ABCA7: variants seen among roughly 807,000 people sequenced by gnomAD.
The protein encoded by ABCA7 is ATP binding cassette subfamily A member 7, also known as phospholipid-transporting ATPase ABCA7.
ABCA7 carries 261 observed loss-of-function variants against 227.6 expected under a neutral mutation model. That is an observed-to-expected ratio of 1.15 (90% CI 1.04 to 1.27). ABCA7 has a LOEUF of 1.27. Among genes scored for constraint, ABCA7 ranks in the 50% most tolerant of loss-of-function variants. ABCA7 has a pLI of 0.00. For missense variants in ABCA7, 3,331 were observed against 2,924.5 expected (o/e 1.14, Z -3.21); for synonymous variants, 1,488 against 1,279.7 (o/e 1.16, Z -3.47).
In ABCA7 at chr19:1,051,145, C is replaced by A. The variant is rs1428860998; in HGVS notation, c.2685-10C>A. ...CATGTGGGTCACTCTGCTCTGTGCA[C>A]TGGCCGCAGGCTGACCGTGGACGAG... On this transcript the variant is annotated splice_polypyrimidine_tract_variant and intron_variant, in intron 19 of 46. Coordinates refer to ENST00000263094, the MANE Select transcript of ABCA7 (RefSeq NM_019112.4). 1.6e-5 allele frequency: 25 copies of A among 1,610,950 alleles called. No individual in the cohort carries two copies. The highest frequency in any genetic ancestry group is 2.1e-5 in the Non-Finnish European group (25 of 1,179,842).
At position 1,049,408 on chromosome 19, in the gene ABCA7, C is replaced by A. The variant is rs771774848; in HGVS notation, c.2523C>A (p.Gly841=). ...AGGGCCACATCACCGCCTTCCTGGG[C>A]CACAACGGGGCCGGCAAGACCACCA... ...FYQGHITAFL[G]HNGAGKTTTL... is the part of the protein sequence containing the mutation. The change falls in exon 18 of 47, where the codon GGC becomes GGA. Residue 841 remains glycine (G), a synonymous_variant. Coordinates refer to ENST00000263094, the MANE Select transcript of ABCA7 (RefSeq NM_019112.4). 1 of 1,608,982 alleles carries A rather than the reference C, an allele frequency of 6.2e-7. No homozygotes were observed. The highest frequency in any genetic ancestry group is 8.5e-7 in the Non-Finnish European group (1 of 1,177,722).
chr19:1,058,100 G>A (rs746323385), intron 36 of ABCA7, 41 bp downstream of exon 36: 41 of 1,613,770 alleles, frequency 2.5e-5, no homozygotes, highest in South Asian at 4.4e-5. Flanking sequence ...GGGTTGGGTC[G>A]TTGGACTCAG....
rs553657952 is a variant in ABCA7, at chr19:1,062,113, G to C, written c.5571-59G>C. 3.4e-5 allele frequency: 54 copies of C among 1,587,786 alleles called. No individual in the cohort carries two copies. The South Asian group carries it at 5.9e-4, about 17-fold the overall frequency. ...GGTGGGCCCTGAGACCCCTGTGTTA[G>C]CCACCAGTATGGTCAGGGACTAGCC... On this transcript the variant is annotated intron_variant, in intron 41 of 46. Coordinates refer to ENST00000263094, the MANE Select transcript of ABCA7 (RefSeq NM_019112.4).
chr19:1,059,748 G>C (rs2042533882), intron 40 of ABCA7, among the ~76,000 whole-genome samples: 1 of 151,082 alleles, frequency 6.6e-6, no homozygotes, highest in Non-Finnish European at 1.5e-5. Context: ...ATTTTTAGTA[G>C]AGACAGGGCT....
At position 1,047,292 on chromosome 19, in the gene ABCA7, G is replaced by T; in HGVS notation, c.1981G>T (p.Gly661Cys). 6.2e-7 allele frequency: 1 copy of T among 1,605,006 alleles called. No homozygotes were observed. The change falls in exon 15 of 47, where the codon GGC (glycine) becomes TGC (cysteine). Residue 661 changes from glycine (G) to cysteine (C), a missense_variant. Coordinates refer to ENST00000263094, the MANE Select transcript of ABCA7 (RefSeq NM_019112.4). ...CGCCAACCTGGCTGCGGCCTGCGGC[G>T]GCCTGGCCTACTTCTCCCTCTACCT... Reference protein sequence around the residue: ...SRANLAAACGGLAYFSLYLPY... With the variant: ...SRANLAAACGCLAYFSLYLPY...
rs200430697 is a variant in ABCA7, at chr19:1,055,363, C to G, written c.4205+12C>G. 108 of 1,558,482 alleles carry G rather than the reference C, an allele frequency of 6.9e-5. No individual in the cohort carries two copies. The highest frequency in any genetic ancestry group is 1.8e-4 in the Admixed American group (10 of 56,682). On this transcript the variant is annotated intron_variant, in intron 30 of 46. Transcript: ENST00000263094. Reference sequence around the variant, plus strand: ...CTGGTGCGCCAGGGGTGAGCCATGCCCTGGGACTCAGTTTCCCTGGCTATA... The same window carrying G: ...CTGGTGCGCCAGGGGTGAGCCATGCGCTGGGACTCAGTTTCCCTGGCTATA...
Position 1,050,963 on chromosome 19 carries a change from C to T in ABCA7, c.2595C>T (p.Ala865=), listed in dbSNP as rs1282164184. The T allele has an allele frequency of 1.2e-6, 2 of 1,612,040 alleles. No homozygotes were observed. The highest frequency in any genetic ancestry group is 1.7e-5 in the Admixed American group (1 of 59,946). The change falls in exon 19 of 47, where the codon GCC becomes GCT. Residue 865 remains alanine (A), a synonymous_variant. Coordinates refer to ENST00000263094, the MANE Select transcript of ABCA7 (RefSeq NM_019112.4). ...TCTTCCCACCCAGTGGTGGCTCTGC[C>T]TTCATCCTGGGCCACGACGTCCGCT... ...SGLFPPSGGS[A]FILGHDVRSS... is the part of the protein sequence containing the mutation.
intron 46 of ABCA7, 32 bp from the exon 47 acceptor site, chr19:1,065,238 C>T (rs1411461700): frequency 1.2e-6 from 2 of 1,609,220 alleles, no homozygotes; most frequent in Non-Finnish European, 1.7e-6. Context: ...GCTGACCGTC[C>T]CTCTTGTCCC....
rs1372330850 is a variant in ABCA7 at position 1,049,260 on chromosome 19, C to A, written c.2381-6C>A. The A allele has an allele frequency of 6.3e-7, 1 of 1,597,572 alleles. No homozygotes were observed. The highest frequency in any genetic ancestry group is 8.5e-7 in the Non-Finnish European group (1 of 1,169,868). On this transcript the variant is annotated splice_polypyrimidine_tract_variant and splice_region_variant and intron_variant, in intron 17 of 46. Transcript: ENST00000263094. Reference sequence around the variant, plus strand: ...CTCCATGGCTGAGTCCACCCCATCTCTGCAGTGCTGGTAGAAGAGGCACCG... The same window carrying A: ...CTCCATGGCTGAGTCCACCCCATCTATGCAGTGCTGGTAGAAGAGGCACCG...
intron 11 of ABCA7, 90 bp from the exon 12 acceptor site, chr19:1,044,912 T>C (rs990754334): frequency 2.2e-5 from 33 of 1,531,486 alleles, no homozygotes; most frequent in South Asian, 1.2e-5. Context: ...GGGGAAAACA[T>C]GGCCCAGCCC....
intron 30 of ABCA7, 144 bp downstream of exon 30, chr19:1,055,495 T>G: frequency 1.2e-6 from 1 of 835,628 alleles, no homozygotes. Context: ...TACCTTCCTT[T>G]CCTCTTTTTT....
In ABCA7 at chr19:1,054,923, G is replaced by C. The variant is rs1035570812; in HGVS notation, c.3950+45G>C. The stretch of plus-strand genomic sequence containing the variant: ...TGGACCTTTCCCCTCTCTGGCCTCA[G>C]TTTTCCCATCTGGTCCCTGGCCAGG... On this transcript the variant is annotated intron_variant, in intron 29 of 46. Transcript: ENST00000263094. This position sits in a 1 kb window ranked among gnomAD's most constrained non-coding sequence, Gnocchi z 4.8. 6.4e-7 allele frequency: 1 copy of C among 1,553,880 alleles called. No homozygotes were observed.
intron 21 of ABCA7, 33 bp downstream of exon 21, chr19:1,051,619 A>G: frequency 6.3e-7 from 1 of 1,590,182 alleles, no homozygotes; most frequent in South Asian, 1.1e-5. Context: ...GAGGGGCCAG[A>G]AAAGGCTTCT....
In ABCA7 at chr19:1,049,012, C is replaced by T. The variant is rs760506668; in HGVS notation, c.2380+7C>T. ...ACCCCGCTGGACCCAAAGGGTGAGGCACTACGAGGCTTAATAGCTGGTTGT... is the reference window on the plus strand; with the variant it reads ...ACCCCGCTGGACCCAAAGGGTGAGGTACTACGAGGCTTAATAGCTGGTTGT... On this transcript the variant is annotated splice_region_variant and intron_variant, in intron 17 of 46. Coordinates refer to ENST00000263094, the MANE Select transcript of ABCA7 (RefSeq NM_019112.4). The T allele has an allele frequency of 3.2e-6, 5 of 1,541,418 alleles. No individual in the cohort carries two copies. The African/African-American group carries it at 5.5e-5, about 17-fold the overall frequency.
chr19:1,064,990 C>A lies in ABCA7; in HGVS notation c.6104C>A (p.Ala2035Glu), dbSNP rs1301878864. The A allele has an allele frequency of 6.4e-7, 1 of 1,555,354 alleles. No homozygotes were observed. The highest frequency in any genetic ancestry group is 8.7e-7 in the Non-Finnish European group (1 of 1,151,102). The change falls in exon 46 of 47, where the codon GCG becomes GAG. Residue 2035 changes from alanine to glutamate, a missense_variant. Physicochemically the swap from Ala to Glu is moderately radical, Grantham distance 107. Coordinates refer to ENST00000263094, the MANE Select transcript of ABCA7 (RefSeq NM_019112.4). ...CCCGCCGCAAGGTCCCAGCCGGCAG[C>A]GGCCTTCGTGGCGGCCGAGTTCCCT... Reference protein sequence around the residue: ...RVPAARSQPAAAFVAAEFPGA... With the variant: ...RVPAARSQPAEAFVAAEFPGA...
In ABCA7 at chr19:1,045,213, C is replaced by T; in HGVS notation, c.1427C>T (p.Thr476Ile). The change falls in exon 12 of 47, where the codon ACC becomes ATC. Residue 476 changes from threonine to isoleucine, a missense_variant. Physicochemically the swap from Thr to Ile is moderately conservative, Grantham distance 89 (BLOSUM62 -1). Transcript: ENST00000263094. The stretch of plus-strand genomic sequence containing the variant: ...ATGGACATTGACGTGGTCACGAGGA[C>T]CAATAAGATCAGGGACAGGTCAGGC... ...IRMDIDVVTR[T>I]NKIRDRFWDP... The T allele has an allele frequency of 6.2e-7, 1 of 1,600,092 alleles. No individual in the cohort carries two copies. Among genetic ancestry groups the T allele is most frequent in the Non-Finnish European group, 8.5e-7 (1 of 1,170,442 alleles).
At chr19:1,040,557 G>T (rs1486887319) in intron 1 of ABCA7, among the ~76,000 whole-genome samples, 1 of 152,162 alleles carries the variant, frequency 6.6e-6, no homozygotes, top group African/African-American at 2.4e-5. Context: ...GTTCCGGCCT[G>T]GTCACCTTTA....
intron 11 of ABCA7, 92 bp downstream of exon 11, chr19:1,044,836 GC>G (rs2040450765): frequency 6.7e-7 from 1 of 1,487,654 alleles, no homozygotes; most frequent in African/African-American, 1.4e-5. Flanking sequence ...GGGGAGGCGG[GC>G]CCGGCCCTAG....
At chr19:1,055,045 C>A in intron 29 of ABCA7, 52 bp from the exon 30 acceptor site, 1 of 1,562,034 alleles carries the variant, frequency 6.4e-7, no homozygotes, top group South Asian at 1.2e-5. Flanking sequence ...GCCCACAGAC[C>A]TTCACCTTGA....
Sources: allele counts gnomAD v4.1 joint callset (sites outside exome capture counted in the v4.1 genomes callset), GRCh38; gene constraint gnomAD v4.1.1; non-coding constraint Gnocchi (gnomAD v3.1); transcripts MANE v1.5; gene names NCBI Gene and HGNC (gene_info 2026-07-23, HGNC 2026-07-21).